RAB3GAP1: variants seen among roughly 807,000 people sequenced by gnomAD.
RAB3GAP1 encodes RAB3 GTPase activating protein catalytic subunit 1.
RAB3GAP1 carries 86 observed loss-of-function variants against 130.7 expected under a neutral mutation model. The ratio of observed to expected loss-of-function variants is 0.66; its 90% CI spans 0.55 to 0.79. The LOEUF is 0.79. Among genes scored for constraint, RAB3GAP1 ranks in the 30% least tolerant of loss-of-function variants. The pLI, the probability that RAB3GAP1 is intolerant of heterozygous loss-of-function variation, is 0.00. For missense variants in RAB3GAP1, 1,029 were observed against 1,169.4 expected, an observed-to-expected ratio of 0.88 and a Z score of 1.75; for synonymous variants, 367 against 401.7, an observed-to-expected ratio of 0.91 and a Z score of 1.03.
At chr2:135,111,274 C>G (rs1010626770) in intron 5 of RAB3GAP1, among the ~76,000 whole-genome samples, 1 of 151,882 alleles carries the variant, frequency 6.6e-6, no homozygotes, top group Non-Finnish European at 1.5e-5. Context: ...TGAGTAAAAT[C>G]TCTCATAAGT....
rs556267206 is a variant in RAB3GAP1 at position 135,131,479 on chromosome 2, C to T, written c.1236+758C>T. ...TCTCCTGACCTCGTAATCCGCCCGC[C>T]TCGGCCTCCCAAACTGCTGGGATTA... is the stretch of plus-strand genomic sequence containing the variant. On this transcript the variant is annotated intron_variant, in intron 13 of 23. Coordinates refer to ENST00000264158, the MANE Select transcript of RAB3GAP1 (RefSeq NM_012233.3). 3.9e-5 allele frequency among the ~76,000 whole-genome samples: 6 copies of T among 152,320 alleles called. No individual in the cohort carries two copies. The South Asian group carries it at 1.2e-3, about 32-fold the overall frequency.
chr2:135,117,196 T>G (rs1459194752), intron 7 of RAB3GAP1, among the ~76,000 whole-genome samples: 1 of 152,170 alleles, frequency 6.6e-6, no homozygotes, highest in Non-Finnish European at 1.5e-5. Flanking sequence ...GAGAATTCCG[T>G]GTATATATGT....
At chr2:135,100,174 T>C (rs1236602661) in intron 5 of RAB3GAP1, among the ~76,000 whole-genome samples, 1 of 152,222 alleles carries the variant, frequency 6.6e-6, no homozygotes, top group African/African-American at 2.4e-5. Context: ...ACATTATGAC[T>C]GCTAGGCTAA....
chr2:135,063,619 C>G (rs1689239033), intron 3 of RAB3GAP1, among the ~76,000 whole-genome samples: 1 of 152,142 alleles, frequency 6.6e-6, no homozygotes, highest in South Asian at 2.1e-4. Flanking sequence ...ATAATGTCTT[C>G]AAGGTTCATC....
At chr2:135,056,267 G>T (rs980732282) in intron 2 of RAB3GAP1, among the ~76,000 whole-genome samples, 2 of 151,846 alleles carry the variant, frequency 1.3e-5, no homozygotes, top group African/African-American at 4.8e-5. Flanking sequence ...CAGTGGTGCA[G>T]TCTTGGCTCA....
Position 135,168,559 on chromosome 2 carries a change from T to C in RAB3GAP1, c.2724T>C (p.Thr908=). Residue 908 remains threonine, a synonymous_variant, in exon 24 of 24, where the codon ACT becomes ACC. Coordinates refer to ENST00000264158, the MANE Select transcript of RAB3GAP1 (RefSeq NM_012233.3). ...TTCTTTTCCAGGCTGCAGCTATGAC[T>C]CCACCAGAGGAGGAATTGAAGAGAA... The part of the protein sequence containing the change: ...FVNAQRAAAM[T]PPEEELKRMG... The C allele has an allele frequency of 1.9e-6, 3 of 1,614,128 alleles. No individual in the cohort carries two copies. Among genetic ancestry groups the C allele is most frequent in the East Asian group, 4.5e-5 (2 of 44,884 alleles).
chr2:135,166,933 T>C (rs1182422671), intron 23 of RAB3GAP1, among the ~76,000 whole-genome samples: 3 of 152,218 alleles, frequency 2.0e-5, no homozygotes, highest in Non-Finnish European at 4.4e-5. Context: ...GAAAAGATTT[T>C]AAAGTTTTCA....
intron 7 of RAB3GAP1, among the ~76,000 whole-genome samples, chr2:135,117,498 T>G (rs746834531): frequency 5.6e-4 from 41 of 72,806 alleles, no homozygotes; most frequent in South Asian, 1.7e-3. Flanking sequence ...TTCTTCTGCT[T>G]CTTCTTCTTC....
intron 3 of RAB3GAP1, among the ~76,000 whole-genome samples, chr2:135,084,129 C>T (rs904206768): frequency 5.9e-5 from 9 of 152,066 alleles, no homozygotes; most frequent in Non-Finnish European, 1.0e-4. Context: ...CCTGTAATCC[C>T]AGCTACTTGG....
At chr2:135,117,570 G>GCTTCTTCTTCTTCTT (rs1289347100) in intron 7 of RAB3GAP1, among the ~76,000 whole-genome samples, 2 of 20,926 alleles carry the variant, frequency 9.6e-5, no homozygotes, top group African/African-American at 3.2e-4. Context: ...TTCTTCTTCT[G>GCTTCTTCTTCTTCTT]CTTCTTCTTC....
At chr2:135,105,269 C>T (rs896741934) in intron 5 of RAB3GAP1, among the ~76,000 whole-genome samples, 1 of 136,518 alleles carries the variant, frequency 7.3e-6, no homozygotes, top group East Asian at 2.6e-4. Flanking sequence ...CCATGGTCTC[C>T]CTCTGATGCC....
intron 2 of RAB3GAP1, among the ~76,000 whole-genome samples, chr2:135,054,944 TATAG>T (rs1262213598): frequency 6.6e-6 from 1 of 152,240 alleles, no homozygotes; most frequent in Non-Finnish European, 1.5e-5. Context: ...TTATGAACTA[TATAG>T]ATAATTTATT....
chr2:135,092,649 G>C (rs1690181003), intron 4 of RAB3GAP1, among the ~76,000 whole-genome samples: 1 of 152,162 alleles, frequency 6.6e-6, no homozygotes. Context: ...TGTTGACCAG[G>C]CTGGTCTTGA....
chr2:135,156,261 A>G (rs770010261), intron 19 of RAB3GAP1, among the ~76,000 whole-genome samples: 22 of 152,216 alleles, frequency 1.4e-4, no homozygotes, highest in Non-Finnish European at 2.8e-4. Context: ...CTAAATATCA[A>G]GAAACCATAT....
intron 23 of RAB3GAP1, among the ~76,000 whole-genome samples, chr2:135,166,688 C>T (rs1373867365): frequency 6.6e-6 from 1 of 152,046 alleles, no homozygotes; most frequent in East Asian, 1.9e-4. Context: ...CACATAATCT[C>T]ACTACCCATT....
chr2:135,137,895 A>G (rs1329369174), intron 17 of RAB3GAP1, among the ~76,000 whole-genome samples: 1 of 150,806 alleles, frequency 6.6e-6, no homozygotes, highest in Non-Finnish European at 1.5e-5. Context: ...GCATGACTGT[A>G]GCTTACTGCA....
chr2:135,095,937 A>G (rs1205878805), intron 5 of RAB3GAP1, among the ~76,000 whole-genome samples: 1 of 152,202 alleles, frequency 6.6e-6, no homozygotes, highest in East Asian at 1.9e-4. Context: ...TATAACTTTT[A>G]TTACAAAATA....
intron 7 of RAB3GAP1, 117 bp downstream of exon 7, chr2:135,115,498 GAAGA>G: frequency 9.5e-7 from 1 of 1,048,826 alleles, no homozygotes; most frequent in Non-Finnish European, 1.4e-6. Flanking sequence ...TAATTGCTTA[GAAGA>G]AAGCTATAAG....
chr2:135,129,896 CTTAG>C, intron 11 of RAB3GAP1, 95 bp from the exon 12 acceptor site: 1 of 798,534 alleles, frequency 1.3e-6, no homozygotes, highest in Non-Finnish European at 2.1e-6. Flanking sequence ...TCTACCATAT[CTTAG>C]TTAATAGCTT....
Sources: gnomAD v4.1 joint callset for allele counts (sites outside exome capture counted in the v4.1 genomes callset) on GRCh38, gnomAD v4.1.1 for gene constraint, MANE v1.5 for transcripts, NCBI Gene and HGNC (gene_info 2026-07-23, HGNC 2026-07-21) for gene names.